The following CTNND2 variants were observed in gnomAD, a reference collection of about 807,000 sequenced individuals.
CTNND2 encodes the protein catenin delta 2.
Under a neutral mutation model 144.4 loss-of-function variants are expected in CTNND2, and 22 were observed. The ratio of observed to expected loss-of-function variants is 0.15; its 90% CI spans 0.11 to 0.22. The LOEUF (loss-of-function observed/expected upper bound fraction) is 0.22, where lower values mean the gene tolerates loss of function less well. Ranked by LOEUF, CTNND2 falls within the 10% of genes least tolerant of loss-of-function variation. The pLI is 1.00. For synonymous variants in CTNND2, 751 were observed against 695.6 expected (o/e 1.08, Z -1.25); for missense variants, 1,353 against 1,618.8 (o/e 0.84, Z 2.82).
intron 3 of CTNND2, among the ~76,000 whole-genome samples, chr5:11,542,108 G>A (rs1774813648): frequency 6.6e-6 from 1 of 152,022 alleles, no homozygotes; most frequent in Non-Finnish European, 1.5e-5. Flanking sequence ...GACCTGCAGG[G>A]ATTTACCTCA....
intron 12 of CTNND2, among the ~76,000 whole-genome samples, chr5:11,132,437 C>T (rs1755715335): frequency 6.6e-6 from 1 of 152,160 alleles, no homozygotes; most frequent in Admixed American, 6.5e-5. Flanking sequence ...TGAGAACCTT[C>T]TTGAATGAAA....
At chr5:11,233,516 C>T (rs934669928) in intron 10 of CTNND2, among the ~76,000 whole-genome samples, 4 of 152,140 alleles carry the variant, frequency 2.6e-5, no homozygotes, top group African/African-American at 7.2e-5. Flanking sequence ...GACTAGAGGA[C>T]TGAGTAAATT....
chr5:11,847,114 G>C (rs1794771174), intron 1 of CTNND2, among the ~76,000 whole-genome samples: 1 of 119,086 alleles, frequency 8.4e-6, no homozygotes, highest in African/African-American at 3.0e-5. Context: ...AATAAAATCA[G>C]TATGTCAAAG....
chr5:11,602,125 AATAAT>A (rs1779824695), intron 2 of CTNND2, among the ~76,000 whole-genome samples: 1 of 152,154 alleles, frequency 6.6e-6, no homozygotes, highest in African/African-American at 2.4e-5. Flanking sequence ...TAAGAAAGTT[AATAAT>A]ATAATTTCCT....
At chr5:11,184,665 C>T (rs10065669) in intron 11 of CTNND2, among the ~76,000 whole-genome samples, 1 of 152,138 alleles carries the variant, frequency 6.6e-6, no homozygotes, top group African/African-American at 2.4e-5. Context: ...GTAGATTAAT[C>T]CTTGTTCACT....
chr5:11,000,975 T>C (rs1363028594), intron 18 of CTNND2, among the ~76,000 whole-genome samples: 2 of 152,184 alleles, frequency 1.3e-5, no homozygotes, highest in Non-Finnish European at 2.9e-5. Flanking sequence ...CAGTGACAAG[T>C]TGGGGCACAT....
chr5:11,561,173 G>C (rs1364472362), intron 3 of CTNND2, among the ~76,000 whole-genome samples: 3 of 152,286 alleles, frequency 2.0e-5, no homozygotes, highest in African/African-American at 7.2e-5. Context: ...AGAGGGACTT[G>C]ATTATCATCT....
intron 2 of CTNND2, among the ~76,000 whole-genome samples, chr5:11,625,086 G>A (rs1781081716): frequency 6.6e-6 from 1 of 152,052 alleles, no homozygotes; most frequent in Non-Finnish European, 1.5e-5. Context: ...CCACATGGCT[G>A]AAACTGTCAG....
intron 2 of CTNND2, among the ~76,000 whole-genome samples, chr5:11,698,357 C>T (rs1300015891): frequency 4.6e-5 from 7 of 151,042 alleles, no homozygotes; most frequent in Admixed American, 4.6e-4. Flanking sequence ...GGCGCGATCT[C>T]GGCCCCCTGA....
intron 1 of CTNND2, among the ~76,000 whole-genome samples, chr5:11,875,713 G>A (rs1224576271): frequency 3.3e-5 from 5 of 152,110 alleles, no homozygotes; most frequent in South Asian, 2.1e-4. Context: ...TGGACTTCCC[G>A]GCTTTCAGAA....
At chr5:11,798,259 CAAAA>C (rs78238644) in intron 1 of CTNND2, among the ~76,000 whole-genome samples, 1 of 60,458 alleles carries the variant, frequency 1.7e-5, no homozygotes, top group African/African-American at 5.9e-5. Context: ...GAGACTGTTT[CAAAA>C]AAAAAAAAAA....
At chr5:11,827,900 A>G (rs140777269) in intron 1 of CTNND2, among the ~76,000 whole-genome samples, 1 of 152,222 alleles carries the variant, frequency 6.6e-6, no homozygotes, top group Non-Finnish European at 1.5e-5. Context: ...AAGGAACTGA[A>G]CACTTCTTAA....
intron 2 of CTNND2, among the ~76,000 whole-genome samples, chr5:11,646,014 T>C (rs764628370): frequency 5.9e-5 from 9 of 152,156 alleles, no homozygotes; most frequent in Non-Finnish European, 1.2e-4. Flanking sequence ...TATGATTCCA[T>C]TTTATGTATT....
At chr5:11,240,157 CACACACACACCA>C (rs1413938049) in intron 9 of CTNND2, among the ~76,000 whole-genome samples, 1 of 123,192 alleles carries the variant, frequency 8.1e-6, no homozygotes, top group South Asian at 2.8e-4. Flanking sequence ...CACACACATT[CACACACACACCA>C]ACACACACAC....
chr5:11,358,004 T>C (rs1756071785), intron 8 of CTNND2, among the ~76,000 whole-genome samples: 1 of 152,174 alleles, frequency 6.6e-6, no homozygotes, highest in African/African-American at 2.4e-5. Flanking sequence ...CAACTTTTGG[T>C]ATTATATTAT....
At chr5:11,455,844 T>A (rs887840636) in intron 3 of CTNND2, among the ~76,000 whole-genome samples, 5 of 152,170 alleles carry the variant, frequency 3.3e-5, no homozygotes, top group African/African-American at 9.7e-5. Context: ...TTGTTTTCCA[T>A]CCGAACCAAG....
At chr5:11,414,458 C>T (rs1252846243) in intron 3 of CTNND2, among the ~76,000 whole-genome samples, 1 of 152,152 alleles carries the variant, frequency 6.6e-6, no homozygotes, top group East Asian at 1.9e-4. Flanking sequence ...AATACCAAGG[C>T]CCAGTTAATT....
intron 1 of CTNND2, among the ~76,000 whole-genome samples, chr5:11,742,897 G>A (rs1390591024): frequency 6.6e-6 from 1 of 152,142 alleles, no homozygotes; most frequent in Non-Finnish European, 1.5e-5. Flanking sequence ...CACCTCATTT[G>A]TGTAATCACT....
chr5:11,477,006 A>G (rs931776013), intron 3 of CTNND2, among the ~76,000 whole-genome samples: 1 of 152,212 alleles, frequency 6.6e-6, no homozygotes, highest in Non-Finnish European at 1.5e-5. Context: ...AGTTAAGAAC[A>G]CTTGACAAAG....
Sources: gnomAD v4.1 joint callset for allele counts (sites outside exome capture counted in the v4.1 genomes callset) on GRCh38, gnomAD v4.1.1 for gene constraint, MANE v1.5 for transcripts, NCBI Gene and HGNC (gene_info 2026-07-23, HGNC 2026-07-21) for gene names.